Variants in AFF3 observed in about 807,000 individuals in gnomAD.
AFF3 encodes AF4/FMR2 family member 3.
A neutral mutation model predicts 129.7 loss-of-function variants in AFF3; 32 were observed. The observed-to-expected ratio is 0.25, with a 90% CI of 0.19 to 0.33. The LOEUF (loss-of-function observed/expected upper bound fraction) is 0.33, where lower values mean the gene tolerates loss of function less well. AFF3 is among the 10% of genes least tolerant of loss of function. The pLI is 1.00. For missense variants in AFF3, 1,373 were observed against 1,592.0 expected (o/e 0.86, Z 2.34); for synonymous variants, 644 against 635.4 (o/e 1.01, Z -0.20).
At chr2:99,878,312 T>C (rs1458928549) in intron 7 of AFF3, among the ~76,000 whole-genome samples, 2 of 152,110 alleles carry the variant, frequency 1.3e-5, no homozygotes, top group Non-Finnish European at 2.9e-5. Flanking sequence ...GGAGAAACAG[T>C]TCTTGCAATG....
intron 12 of AFF3, among the ~76,000 whole-genome samples, chr2:99,658,823 C>A (rs538824293): frequency 1.3e-5 from 2 of 152,212 alleles, no homozygotes; most frequent in South Asian, 2.1e-4. Context: ...GAATTCTGAA[C>A]TGTGGCAGTT....
In AFF3 at chr2:99,822,676, C is replaced by T. The variant is rs567896904; in HGVS notation, c.921+14801G>A. ...TGCTGACAATCTTTCTAGATGGCTC[C>T]GCTGCCATGACCCCTCCCCGCATCC... On this transcript the variant is annotated intron_variant, in intron 8 of 24. Coordinates refer to ENST00000672756, the MANE Select transcript of AFF3 (RefSeq NM_001386135.1). Among the ~76,000 whole-genome samples the T allele has an allele frequency of 5.3e-5, 8 of 152,196 alleles. No individual in the cohort carries two copies. In the East Asian group the frequency reaches 5.8e-4, roughly 11 times the overall value.
intron 7 of AFF3, among the ~76,000 whole-genome samples, chr2:99,937,459 A>C (rs910573657): frequency 3.3e-5 from 5 of 151,918 alleles, no homozygotes; most frequent in Non-Finnish European, 7.4e-5. Context: ...GAGTGGAGTG[A>C]GCGATGTCAG....
chr2:99,558,799 C>T, intron 22 of AFF3, 76 bp downstream of exon 22: 1 of 1,414,110 alleles, frequency 7.1e-7, no homozygotes, highest in African/African-American at 1.4e-5. Flanking sequence ...GCAATGGAGT[C>T]TACCAGGTGC....
intron 4 of AFF3, among the ~76,000 whole-genome samples, chr2:100,043,766 TC>T (rs1316294586): frequency 6.6e-6 from 1 of 152,246 alleles, no homozygotes; most frequent in East Asian, 1.9e-4. Flanking sequence ...GCATCCATTT[TC>T]ACAAACTCTT....
intron 18 of AFF3, among the ~76,000 whole-genome samples, chr2:99,573,948 G>C (rs961223791): frequency 6.6e-6 from 1 of 152,166 alleles, no homozygotes; most frequent in Non-Finnish European, 1.5e-5. Context: ...GGATGGAGGA[G>C]GTGGTTTTCC....
intron 8 of AFF3, among the ~76,000 whole-genome samples, chr2:99,786,872 G>A (rs1476994146): frequency 2.0e-5 from 3 of 152,058 alleles, no homozygotes; most frequent in East Asian, 1.9e-4. Context: ...TCATTAGTAC[G>A]AGTATTTTTA....
chr2:99,798,083 T>A (rs573954557), intron 8 of AFF3, among the ~76,000 whole-genome samples: 6 of 152,064 alleles, frequency 3.9e-5, no homozygotes, highest in African/African-American at 1.4e-4. Context: ...TGATAACATA[T>A]ACAAGTAAAA....
intron 8 of AFF3, among the ~76,000 whole-genome samples, chr2:99,834,181 G>A (rs1447732018): frequency 6.6e-6 from 1 of 152,078 alleles, no homozygotes; most frequent in Non-Finnish European, 1.5e-5. Context: ...TGAGCCAGGG[G>A]GACGTCTTCA....
intron 4 of AFF3, among the ~76,000 whole-genome samples, chr2:100,066,828 C>A (rs1398476880): frequency 9.2e-5 from 14 of 152,138 alleles, no homozygotes; most frequent in Admixed American, 8.5e-4. Context: ...CCTGAAGGAC[C>A]TTTTGATTTT....
intron 15 of AFF3, among the ~76,000 whole-genome samples, chr2:99,591,414 T>C (rs1365858433): frequency 1.3e-5 from 2 of 152,200 alleles, no homozygotes; most frequent in Non-Finnish European, 2.9e-5. Context: ...CTTGAACTCC[T>C]GAGCTCAGGC....
intron 4 of AFF3, among the ~76,000 whole-genome samples, chr2:100,014,120 T>A (rs1345029720): frequency 6.6e-6 from 1 of 151,260 alleles, no homozygotes; most frequent in Non-Finnish European, 1.5e-5. Flanking sequence ...GAAATGCAGT[T>A]TGCTTGGAGC....
intron 7 of AFF3, among the ~76,000 whole-genome samples, chr2:99,863,602 T>C (rs903428404): frequency 1.3e-5 from 2 of 152,252 alleles, no homozygotes; most frequent in Non-Finnish European, 2.9e-5. Context: ...TGTTGATGTA[T>C]ACGTGATGCT....
At chr2:100,025,480 C>T (rs761914840) in intron 4 of AFF3, among the ~76,000 whole-genome samples, 2 of 152,066 alleles carry the variant, frequency 1.3e-5, no homozygotes, top group Non-Finnish European at 2.9e-5. Context: ...CTGCCAAAAG[C>T]AATTTACAAA....
chr2:99,953,361 T>A (rs1676342650), intron 7 of AFF3, among the ~76,000 whole-genome samples: 1 of 152,190 alleles, frequency 6.6e-6, no homozygotes. Context: ...GAGTATGGCA[T>A]ACAAGACACA....
At chr2:100,104,938 C>T (rs1691153539) in intron 3 of AFF3, 1 of 159,014 alleles carries the variant, frequency 6.3e-6, no homozygotes, top group African/African-American at 2.5e-5. Context: ...CCGCGCGCCC[C>T]TGTACTCCCC....
At chr2:99,894,107 A>G (rs1482417683) in intron 7 of AFF3, among the ~76,000 whole-genome samples, 1 of 152,168 alleles carries the variant, frequency 6.6e-6, no homozygotes, top group African/African-American at 2.4e-5. Context: ...AAGCTTAGCA[A>G]TAATGGAACC....
intron 22 of AFF3, among the ~76,000 whole-genome samples, chr2:99,557,102 G>C (rs1176891496): frequency 3.3e-5 from 5 of 152,076 alleles, no homozygotes; most frequent in Admixed American, 2.0e-4. Context: ...TGATGGATAT[G>C]TTAATTAGCT....
chr2:99,924,874 T>C (rs1036549712), intron 7 of AFF3, among the ~76,000 whole-genome samples: 1 of 149,364 alleles, frequency 6.7e-6, no homozygotes, highest in Non-Finnish European at 1.5e-5. Flanking sequence ...AAATGATTTA[T>C]TAATTTTTTT....
Sources: gnomAD v4.1 joint callset for allele counts (sites outside exome capture counted in the v4.1 genomes callset) on GRCh38, gnomAD v4.1.1 for gene constraint, MANE v1.5 for transcripts, NCBI Gene and HGNC (gene_info 2026-07-23, HGNC 2026-07-21) for gene names.